The following ZNF385D variants were observed in gnomAD, a reference collection of about 807,000 sequenced individuals.
ZNF385D encodes the protein zinc finger protein 385D, also known as zinc finger protein 659.
In ZNF385D, 15 loss-of-function variants were observed where a neutral mutation model predicts 35.8. The observed-to-expected ratio is 0.42, with a 90% CI of 0.28 to 0.64. ZNF385D has a LOEUF of 0.64. Ranked by LOEUF, ZNF385D falls within the 30% of genes least tolerant of loss-of-function variation. The probability of loss-of-function intolerance (pLI) is 0.23; values close to 1 mark genes in which losing one functional copy is unlikely to be tolerated. For missense variants in ZNF385D, 474 were observed against 494.6 expected (o/e 0.96, Z 0.39); for synonymous variants, 212 against 186.8 (o/e 1.13, Z -1.10).
intron 2 of ZNF385D, among the ~76,000 whole-genome samples, chr3:22,284,214 A>G (rs1021460637): frequency 1.3e-5 from 2 of 152,042 alleles, no homozygotes. Context: ...TGTTTTTGAG[A>G]CGGAGTCTCT....
chr3:21,651,123 CAAA>C (rs34764620), intron 2 of ZNF385D, among the ~76,000 whole-genome samples: 21 of 140,606 alleles, frequency 1.5e-4, no homozygotes, highest in Non-Finnish European at 1.7e-4. Flanking sequence ...ACTAAAAATA[CAAA>C]AAAAAAAAAA....
chr3:21,597,651 T>C (rs930876043), intron 2 of ZNF385D, among the ~76,000 whole-genome samples: 5 of 151,830 alleles, frequency 3.3e-5, no homozygotes, highest in African/African-American at 1.2e-4. Flanking sequence ...CACGTGAAAA[T>C]AGATGGAATG....
intron 3 of ZNF385D, among the ~76,000 whole-genome samples, chr3:22,116,811 A>C (rs1576347542): frequency 6.6e-6 from 1 of 152,050 alleles, no homozygotes; most frequent in Admixed American, 6.6e-5. Flanking sequence ...AAATATGATG[A>C]AAGGTTTATA....
intron 1 of ZNF385D, among the ~76,000 whole-genome samples, chr3:21,742,501 G>T (rs562019761): frequency 2.6e-5 from 4 of 152,210 alleles, no homozygotes; most frequent in African/African-American, 9.6e-5. Context: ...AGCTACAGAC[G>T]TAGAGGCTAA....
chr3:21,504,134 A>C (rs1290850347), intron 4 of ZNF385D, among the ~76,000 whole-genome samples: 4 of 152,168 alleles, frequency 2.6e-5, no homozygotes, highest in Non-Finnish European at 5.9e-5. Flanking sequence ...CTCAGACTTT[A>C]CCAATTAGAT....
intron 2 of ZNF385D, among the ~76,000 whole-genome samples, chr3:22,328,088 CTGA>C (rs1278276910): frequency 1.3e-5 from 2 of 151,894 alleles, no homozygotes; most frequent in East Asian, 3.9e-4. Flanking sequence ...TTCTTTTTGT[CTGA>C]TGATTTCTGA....
rs532261550 is a variant in ZNF385D at position 22,151,119 on chromosome 3, C to G, written c.325+17698G>C. 5.3e-5 allele frequency among the ~76,000 whole-genome samples: 8 copies of G among 152,198 alleles called. No individual in the cohort carries two copies. The South Asian group carries it at 1.5e-3, about 28-fold the overall frequency. On this transcript the variant is annotated intron_variant, in intron 3 of 5. Transcript: ENST00000494108. ...ACTCTGGATGTGTCTTCCCTTATGC[C>G]ATGGAGAATACTGGAAAGGACATCA...
chr3:22,233,976 A>T (rs1352190571), intron 2 of ZNF385D, among the ~76,000 whole-genome samples: 1 of 152,100 alleles, frequency 6.6e-6, no homozygotes, highest in Non-Finnish European at 1.5e-5. Flanking sequence ...TGCAACCCAG[A>T]GTTCTACCTC....
intron 3 of ZNF385D, among the ~76,000 whole-genome samples, chr3:21,979,424 T>G (rs746109585): frequency 5.9e-5 from 9 of 152,192 alleles, no homozygotes; most frequent in Admixed American, 1.3e-4. Flanking sequence ...TATCCAATAT[T>G]TGACAGCTAG....
At chr3:22,188,763 T>C (rs1389056350) in intron 2 of ZNF385D, among the ~76,000 whole-genome samples, 2 of 152,212 alleles carry the variant, frequency 1.3e-5, no homozygotes, top group Non-Finnish European at 2.9e-5. Flanking sequence ...TGCATACTTT[T>C]TAAAATATTT....
chr3:21,659,587 G>C (rs547232439), intron 2 of ZNF385D, among the ~76,000 whole-genome samples: 2 of 152,146 alleles, frequency 1.3e-5, no homozygotes, highest in South Asian at 2.1e-4. Flanking sequence ...AACCACAGGA[G>C]GACCATTCTT....
At chr3:22,062,562 C>T (rs771814601) in intron 3 of ZNF385D, among the ~76,000 whole-genome samples, 1 of 152,098 alleles carries the variant, frequency 6.6e-6, no homozygotes, top group Admixed American at 6.6e-5. Flanking sequence ...ACCATACATG[C>T]TACTTTAAAA....
At chr3:21,815,405 T>C (rs1207712926) in intron 3 of ZNF385D, among the ~76,000 whole-genome samples, 1 of 152,144 alleles carries the variant, frequency 6.6e-6, no homozygotes, top group Non-Finnish European at 1.5e-5. Flanking sequence ...AGCTGTTTTT[T>C]GAAAAGATCA....
At chr3:22,123,956 C>CTA (rs1289766270) in intron 3 of ZNF385D, among the ~76,000 whole-genome samples, 59 of 86,602 alleles carry the variant, frequency 6.8e-4, no homozygotes, top group Middle Eastern at 6.3e-3. Context: ...CTCTCTCTCT[C>CTA]TCTCTCTATA....
chr3:21,680,312 G>A (rs2066859103), intron 1 of ZNF385D, among the ~76,000 whole-genome samples: 1 of 152,130 alleles, frequency 6.6e-6, no homozygotes, highest in African/African-American at 2.4e-5. Context: ...GCAAGGTAAA[G>A]CAATAGTGAG....
At chr3:21,681,416 T>C (rs1471551614) in intron 1 of ZNF385D, among the ~76,000 whole-genome samples, 3 of 150,668 alleles carry the variant, frequency 2.0e-5, no homozygotes, top group South Asian at 2.1e-4. Flanking sequence ...GGCTGTACAA[T>C]TGGTAAATTA....
chr3:21,564,839 T>C (rs1309216499), intron 2 of ZNF385D, among the ~76,000 whole-genome samples, 155 bp from the exon 3 acceptor site: 1 of 152,212 alleles, frequency 6.6e-6, no homozygotes, highest in Admixed American at 6.5e-5. Context: ...CATTTTTACT[T>C]TCTTGGAAAA....
chr3:21,670,644 T>A (rs1390839675), intron 1 of ZNF385D, among the ~76,000 whole-genome samples: 1 of 22,698 alleles, frequency 4.4e-5, no homozygotes, highest in Non-Finnish European at 7.3e-5. Context: ...AATGAAATCC[T>A]AAGGCGCCCC....
intron 3 of ZNF385D, among the ~76,000 whole-genome samples, chr3:21,549,035 G>A (rs2062478679): frequency 6.6e-6 from 1 of 152,122 alleles, no homozygotes; most frequent in African/African-American, 2.4e-5. Flanking sequence ...CTTGTTTATT[G>A]GAGGTTATGA....
Sources: allele counts gnomAD v4.1 joint callset (sites outside exome capture counted in the v4.1 genomes callset), GRCh38; gene constraint gnomAD v4.1.1; transcripts MANE v1.5; gene names NCBI Gene and HGNC (gene_info 2026-07-23, HGNC 2026-07-21).